Variants in TIAM1 observed in about 807,000 individuals in gnomAD.
TIAM1 encodes TIAM Rac1 associated GEF 1.
Under a neutral mutation model 163.5 loss-of-function variants are expected in TIAM1, and 65 were observed. The ratio of observed to expected loss-of-function variants is 0.40; its 90% CI spans 0.33 to 0.49. The LOEUF (loss-of-function observed/expected upper bound fraction) is 0.49, where lower values mean the gene tolerates loss of function less well. Ranked by LOEUF, TIAM1 falls within the 20% of genes least tolerant of loss-of-function variation. The pLI is 0.77. For synonymous variants in TIAM1, 833 were observed against 810.1 expected (o/e 1.03, Z -0.48); for missense variants, 1,789 against 2,044.7 (o/e 0.87, Z 2.41).
intron 15 of TIAM1, among the ~76,000 whole-genome samples, chr21:31,166,962 C>T (rs1296763372): frequency 6.6e-6 from 1 of 152,194 alleles, no homozygotes. Context: ...GAATCACAAC[C>T]TCCTGGAGTT....
At chr21:31,329,281 C>T (rs559284518) in intron 2 of TIAM1, among the ~76,000 whole-genome samples, 1 of 152,192 alleles carries the variant, frequency 6.6e-6, no homozygotes, top group Non-Finnish European at 1.5e-5. Flanking sequence ...CAACTGAGCA[C>T]GTGAACGCAG....
chr21:31,288,299 A>G (rs972986215), intron 2 of TIAM1, among the ~76,000 whole-genome samples: 1 of 152,214 alleles, frequency 6.6e-6, no homozygotes, highest in Non-Finnish European at 1.5e-5. Context: ...TTGGGCTGCT[A>G]TAACAAAATA....
At chr21:31,549,176 T>C (rs996710876) in intron 1 of TIAM1, among the ~76,000 whole-genome samples, 2 of 152,242 alleles carry the variant, frequency 1.3e-5, no homozygotes, top group Non-Finnish European at 2.9e-5. Flanking sequence ...ATTGGTGTTT[T>C]AAAACAAAAT....
intron 12 of TIAM1, 149 bp from the exon 13 acceptor site, chr21:31,195,454 T>TA (rs1386706171): frequency 4.8e-6 from 3 of 622,850 alleles, no homozygotes; most frequent in Non-Finnish European, 8.2e-6. Flanking sequence ...TCATTAAAAG[T>TA]AAAAAGTAAA....
At chr21:31,472,869 G>A (rs1187753018) in intron 1 of TIAM1, among the ~76,000 whole-genome samples, 1 of 152,210 alleles carries the variant, frequency 6.6e-6, no homozygotes, top group African/African-American at 2.4e-5. Context: ...TTGGCATGGC[G>A]TACGCATCAG....
At chr21:31,286,385 A>AT (rs2073810213) in intron 2 of TIAM1, among the ~76,000 whole-genome samples, 1 of 152,106 alleles carries the variant, frequency 6.6e-6, no homozygotes, top group Admixed American at 6.5e-5. Flanking sequence ...GCAACATGGT[A>AT]AGACCTCATG....
intron 1 of TIAM1, among the ~76,000 whole-genome samples, chr21:31,509,775 C>G: frequency 6.6e-6 from 1 of 152,172 alleles, no homozygotes; most frequent in East Asian, 1.9e-4. Flanking sequence ...GCATGTTTCT[C>G]TCTCAGGGGC....
chr21:31,402,624 T>A (rs2077184269), intron 2 of TIAM1, among the ~76,000 whole-genome samples: 1 of 151,938 alleles, frequency 6.6e-6, no homozygotes, highest in Non-Finnish European at 1.5e-5. Context: ...AACATAGTAT[T>A]TCCCCCCTCA....
At chr21:31,177,610 C>A (rs926744801) in intron 15 of TIAM1, among the ~76,000 whole-genome samples, 5 of 152,082 alleles carry the variant, frequency 3.3e-5, no homozygotes, top group Non-Finnish European at 5.9e-5. Flanking sequence ...CTGTCCCCCC[C>A]ACCAATGACT....
intron 6 of TIAM1, among the ~76,000 whole-genome samples, chr21:31,232,106 T>G (rs1031643032): frequency 6.6e-6 from 1 of 152,058 alleles, no homozygotes; most frequent in Non-Finnish European, 1.5e-5. Context: ...TAAAAATGCC[T>G]AGATGGTAAA....
intron 2 of TIAM1, among the ~76,000 whole-genome samples, chr21:31,420,982 T>C (rs1001079302): frequency 1.3e-5 from 2 of 150,828 alleles, no homozygotes; most frequent in African/African-American, 2.4e-5. Context: ...ATTAGCCGGG[T>C]ATGGTGGCGG....
At chr21:31,209,773 A>G (rs941756891) in intron 11 of TIAM1, among the ~76,000 whole-genome samples, 1 of 152,264 alleles carries the variant, frequency 6.6e-6, no homozygotes, top group Admixed American at 6.5e-5. Context: ...AAAGGTTTGC[A>G]ATGAGCATGT....
At chr21:31,240,062 A>G (rs2071085519) in intron 6 of TIAM1, among the ~76,000 whole-genome samples, 1 of 152,060 alleles carries the variant, frequency 6.6e-6, no homozygotes, top group Non-Finnish European at 1.5e-5. Flanking sequence ...GATCCTTAAC[A>G]CCTGGGAACA....
Position 31,251,837 on chromosome 21 carries a change from G to A in TIAM1, c.1316C>T (p.Ala439Val). 1 of 1,613,730 alleles carries A rather than the reference G, an allele frequency of 6.2e-7. No homozygotes were observed. Among genetic ancestry groups the A allele is most frequent in the Non-Finnish European group, 8.5e-7 (1 of 1,179,808 alleles). The change falls in exon 5 of 28, where the codon GCC becomes GTC. Residue 439 changes from alanine (A) to valine (V), a missense_variant. Ala to Val is a moderately conservative substitution (Grantham distance 64). Around this residue, in one of 5 missense-constraint regions of TIAM1, gnomAD observed 456 missense variants for 586.6 expected, o/e 0.78. Coordinates refer to ENST00000541036, the MANE Select transcript of TIAM1 (RefSeq NM_001353694.2). ...AAQGTVRKAG[A>V]LAVKNFLVHK... is the part of the protein sequence containing the mutation. ...CACCAGGAAGTTCTTGACGGCCAGG[G>A]CGCCGGCCTTGCGCACCGTGCCCTG...
intron 2 of TIAM1, among the ~76,000 whole-genome samples, chr21:31,403,115 A>C (rs1007944591): frequency 3.3e-5 from 5 of 152,206 alleles, no homozygotes; most frequent in African/African-American, 7.2e-5. Flanking sequence ...AATTTGAATT[A>C]TCCCAAGGTT....
intron 16 of TIAM1, among the ~76,000 whole-genome samples, chr21:31,157,670 A>C (rs910768531): frequency 4.6e-5 from 7 of 151,974 alleles, no homozygotes; most frequent in Admixed American, 3.9e-4. Context: ...AATTCATCCC[A>C]TGTGCGCGTT....
chr21:31,464,322 G>A (rs540365764), intron 1 of TIAM1, among the ~76,000 whole-genome samples: 75 of 152,258 alleles, frequency 4.9e-4, no homozygotes, highest in African/African-American at 1.7e-3. Flanking sequence ...TTCCTAGGTC[G>A]GCAACACAGG....
chr21:31,414,496 G>A (rs1043945928), intron 2 of TIAM1, among the ~76,000 whole-genome samples: 5 of 152,140 alleles, frequency 3.3e-5, no homozygotes, highest in African/African-American at 1.2e-4. Flanking sequence ...ATGGAGGTGG[G>A]AGCAACGGCC....
chr21:31,506,753 AT>A (rs1366633023), intron 1 of TIAM1, among the ~76,000 whole-genome samples: 1 of 152,142 alleles, frequency 6.6e-6, no homozygotes, highest in Non-Finnish European at 1.5e-5. Context: ...CCCCATCTCT[AT>A]TAAAAATACA....
Sources: gnomAD v4.1 joint callset for allele counts (sites outside exome capture counted in the v4.1 genomes callset) on GRCh38, gnomAD v4.1.1 for gene constraint, gnomAD v4.1.1 regional missense constraint, MANE v1.5 for transcripts, NCBI Gene and HGNC (gene_info 2026-07-23, HGNC 2026-07-21) for gene names.